USP3: variants seen among roughly 807,000 people sequenced by gnomAD.
USP3 encodes the protein ubiquitin specific peptidase 3.
In USP3, 20 loss-of-function variants were observed where a neutral mutation model predicts 72.3. The ratio of observed to expected loss-of-function variants is 0.28; its 90% CI spans 0.19 to 0.40. The LOEUF (loss-of-function observed/expected upper bound fraction) is 0.40. Ranked by LOEUF, USP3 falls within the 10% of genes least tolerant of loss-of-function variation. The pLI is 1.00. For synonymous variants in USP3, 222 were observed against 225.3 expected (o/e 0.99, Z 0.13); for missense variants, 479 against 633.9 (o/e 0.76, Z 2.62).
rs758418940 is a variant in USP3, at chr15:63,588,706, T to A, written c.1220T>A (p.Leu407Gln). Residue 407 changes from leucine to glutamine, a missense_variant, in exon 13 of 15, where the codon CTA becomes CAA. Coordinates refer to ENST00000380324, the MANE Select transcript of USP3 (RefSeq NM_006537.4). The surrounding 1 kb of genome is among the most constrained non-coding windows in gnomAD (Gnocchi z 4.6). ...GACCGCATCTCTGTCCTCCAGGTGC[T>A]ATGCTTACATTTGAAAAGATTTCAT... ...KFWIQKLPKV[L>Q]CLHLKRFHWT... 1 of 1,611,252 alleles carries A rather than the reference T, an allele frequency of 6.2e-7. No individual in the cohort carries two copies. Among genetic ancestry groups the A allele is most frequent in the Non-Finnish European group, 8.5e-7 (1 of 1,177,628 alleles).
chr15:63,547,753 GGAGGGAGGGAGAGAGAGAGAGA>G (rs1322464748), intron 3 of USP3, among the ~76,000 whole-genome samples: 14 of 40,268 alleles, frequency 3.5e-4, no homozygotes, highest in African/African-American at 1.2e-3. Context: ...AGGGAGGGAG[GGAGGGAGGGAGAGAGAGAGAGA>G]GAGAGAGAGA....
Position 63,574,725 on chromosome 15 carries a change from A to G in USP3, c.1096+322A>G, listed in dbSNP as rs2066835038. 6.6e-6 allele frequency among the ~76,000 whole-genome samples: 1 copy of G among 152,224 alleles called. No homozygotes were observed. Among genetic ancestry groups the G allele is most frequent in the Admixed American group, 6.5e-5 (1 of 15,288 alleles). On this transcript the variant is annotated intron_variant, in intron 11 of 14. Coordinates refer to ENST00000380324, the MANE Select transcript of USP3 (RefSeq NM_006537.4). This position sits in a 1 kb window ranked among gnomAD's most constrained non-coding sequence, Gnocchi z 4.6. ...TTCTGTGGTTATCCCACTAGCATCTATAGGAAGAAAGAATACTCAGCAGAG... is the reference window on the plus strand; with the variant it reads ...TTCTGTGGTTATCCCACTAGCATCTGTAGGAAGAAAGAATACTCAGCAGAG...
At chr15:63,564,303 T>C (rs2066653341) in intron 8 of USP3, among the ~76,000 whole-genome samples, 1 of 152,086 alleles carries the variant, frequency 6.6e-6, no homozygotes, top group South Asian at 2.1e-4. Flanking sequence ...GAGACAAAAC[T>C]GAGACAGAGA....
intron 7 of USP3, 67 bp from the exon 8 acceptor site, chr15:63,562,828 G>C: frequency 9.9e-7 from 1 of 1,007,990 alleles, no homozygotes; most frequent in Non-Finnish European, 1.5e-6. Flanking sequence ...ATTTTAGATG[G>C]GTGGACGCTG....
At chr15:63,523,742 T>G (rs149173815) in intron 1 of USP3, among the ~76,000 whole-genome samples, 15 of 152,296 alleles carry the variant, frequency 9.8e-5, no homozygotes, top group African/African-American at 3.6e-4. Flanking sequence ...GGGGATCAAG[T>G]CATGCTGGCT....
chr15:63,550,421 AATACTGATGTTG>A (rs1185335956), intron 3 of USP3, among the ~76,000 whole-genome samples: 1 of 152,202 alleles, frequency 6.6e-6, no homozygotes, highest in Non-Finnish European at 1.5e-5. Flanking sequence ...AAATCCAACA[AATACTGATGTTG>A]GAACACTGTC....
chr15:63,506,862 G>A (rs185961489), intron 1 of USP3, among the ~76,000 whole-genome samples: 87 of 152,248 alleles, frequency 5.7e-4, no homozygotes, highest in Admixed American at 1.2e-3. Flanking sequence ...AGCGAGTTTC[G>A]CAACTTTGTG....
At position 63,504,809 on chromosome 15, in the gene USP3, C is replaced by T; in HGVS notation, c.70C>T (p.Pro24Ser). The part of the protein sequence containing the change: ...PDSAKFPNGS[P>S]SSWCCSVCRS... ...CTCAGCCAAGTTCCCCAACGGCTCC[C>T]CGTCGTCCTGGTGCTGCAGCGGTGA... Residue 24 changes from proline to serine, a missense_variant, in exon 1 of 15, where the codon CCG becomes TCG. Coordinates refer to ENST00000380324, the MANE Select transcript of USP3 (RefSeq NM_006537.4). 6.2e-7 allele frequency: 1 copy of T among 1,610,262 alleles called. No individual in the cohort carries two copies. The highest frequency in any genetic ancestry group is 8.5e-7 in the Non-Finnish European group (1 of 1,178,644).
chr15:63,590,931 C>CTAT lies in USP3; in HGVS notation c.*107_*109dup. The CTAT allele has an allele frequency of 7.3e-7, 1 of 1,364,784 alleles. No homozygotes were observed. Among genetic ancestry groups the CTAT allele is most frequent in the Non-Finnish European group, 9.6e-7 (1 of 1,039,816 alleles). The allele number at this position is 1,364,784 out of a possible 1,614,324, so 84.5% of individuals were successfully genotyped here. A position where few individuals can be genotyped will look rare whatever the true frequency, so the allele number is the denominator to read the frequency against. ...ATTTCATTATGCACTTTTCAATTTC[C>CTAT]TATTTTGGATTTAGTTTTGTCAATG... On this transcript the variant is annotated 3_prime_UTR_variant, in exon 15 of 15. Transcript: ENST00000380324.
chr15:63,541,182 G>C (rs527326380), intron 3 of USP3, among the ~76,000 whole-genome samples: 7 of 151,992 alleles, frequency 4.6e-5, no homozygotes, highest in Non-Finnish European at 8.8e-5. Flanking sequence ...ATTCCTTCAG[G>C]GCAGGTAATG....
chr15:63,504,761 T>C lies in USP3; in HGVS notation c.22T>C (p.Ser8Pro). MECPHLSSSVCIAPDSAK... is the reference protein window; with the variant it reads MECPHLSPSVCIAPDSAK... ...GGCCATGGAGTGTCCACACCTGAGC[T>C]CCAGCGTCTGCATTGCTCCGGACTC... The change falls in exon 1 of 15, where the codon TCC becomes CCC. Residue 8 changes from serine (S) to proline (P), a missense_variant. Ser to Pro is a moderately conservative substitution (Grantham distance 74, BLOSUM62 -1). Coordinates refer to ENST00000380324, the MANE Select transcript of USP3 (RefSeq NM_006537.4). 1 of 1,611,318 alleles carries C rather than the reference T, an allele frequency of 6.2e-7. No homozygotes were observed.
rs2066458996 is a variant in USP3 at position 63,553,084 on chromosome 15, A to C, written c.285-631A>C. Among the ~76,000 whole-genome samples the C allele has an allele frequency of 6.6e-6, 1 of 152,222 alleles. No individual in the cohort carries two copies. Among genetic ancestry groups the C allele is most frequent in the South Asian group, 2.1e-4 (1 of 4,834 alleles). ...AGTATCGGTTTTTAAATATAGCTTA[A>C]ATATTTTTCTTCAAAGCACTTATCA... On this transcript the variant is annotated intron_variant, in intron 3 of 14. Transcript: ENST00000380324. The surrounding 1 kb of genome is among the most constrained non-coding windows in gnomAD (Gnocchi z 4.2).
intron 11 of USP3, among the ~76,000 whole-genome samples, chr15:63,585,273 G>C (rs2067036762): frequency 6.6e-6 from 1 of 152,040 alleles, no homozygotes; most frequent in African/African-American, 2.4e-5. Flanking sequence ...ATTTCTATTG[G>C]GATTTTGAGA....
chr15:63,533,551 A>C (rs1404737102), intron 2 of USP3, among the ~76,000 whole-genome samples: 1 of 152,210 alleles, frequency 6.6e-6, no homozygotes, highest in Non-Finnish European at 1.5e-5. Flanking sequence ...ATAGCTTAGC[A>C]GTAAGGAAAT....
At chr15:63,512,290 CTCTTCTTCTTCCTCCTCT>C (rs1201759759) in intron 1 of USP3, among the ~76,000 whole-genome samples, 1 of 150,560 alleles carries the variant, frequency 6.6e-6, no homozygotes, top group Non-Finnish European at 1.5e-5. Flanking sequence ...CCTCTTCTTC[CTCTTCTTCTTCCTCCTCT>C]TCTTCTTCTT....
In USP3 at chr15:63,574,747, A is replaced by G; in HGVS notation, c.1096+344A>G. ...TCTATAGGAAGAAAGAATACTCAGC[A>G]GAGTTTTATAAATTATAGTATTACG... On this transcript the variant is annotated intron_variant, in intron 11 of 14. Transcript: ENST00000380324. The surrounding 1 kb of genome is among the most constrained non-coding windows in gnomAD (Gnocchi z 4.6). Among the ~76,000 whole-genome samples, 1 of 152,252 alleles carries G rather than the reference A, an allele frequency of 6.6e-6. No individual in the cohort carries two copies. The highest frequency in any genetic ancestry group is 1.9e-4 in the East Asian group (1 of 5,204).
intron 1 of USP3, among the ~76,000 whole-genome samples, chr15:63,519,960 C>T (rs537210990): frequency 6.6e-6 from 1 of 152,110 alleles, no homozygotes; most frequent in South Asian, 2.1e-4. Flanking sequence ...GATTTGGGCA[C>T]GCGCCGTCAT....
intron 3 of USP3, among the ~76,000 whole-genome samples, chr15:63,547,888 G>GAGAGAGAGAGAGGAAT (rs1555446525): frequency 1.4e-5 from 1 of 73,236 alleles, no homozygotes. Context: ...GAGAGAGAGA[G>GAGAGAGAGAGAGGAAT]AGAGAGAGGC....
In USP3 at chr15:63,528,942, A is replaced by G; in HGVS notation, c.92-3705A>G. On this transcript the variant is annotated intron_variant, in intron 1 of 14. Coordinates refer to ENST00000380324, the MANE Select transcript of USP3 (RefSeq NM_006537.4). This position sits in a 1 kb window ranked among gnomAD's most constrained non-coding sequence, Gnocchi z 4.3. Reference sequence around the variant, plus strand: ...GATGAAGCATGTATAAACAGAGTGAATATTCCCCAAAGCAATGCCATTTAT... The same window carrying G: ...GATGAAGCATGTATAAACAGAGTGAGTATTCCCCAAAGCAATGCCATTTAT... 1 of 1,172,108 alleles carries G rather than the reference A, an allele frequency of 8.5e-7. No individual in the cohort carries two copies. The highest frequency in any genetic ancestry group is 1.3e-5 in the South Asian group (1 of 76,908). The allele number at this position is 1,172,108 out of a possible 1,614,324, so 72.6% of individuals were successfully genotyped here.
Sources: gnomAD v4.1 joint callset for allele counts (sites outside exome capture counted in the v4.1 genomes callset) on GRCh38, gnomAD v4.1.1 for gene constraint, Gnocchi (gnomAD v3.1) non-coding constraint, MANE v1.5 for transcripts, NCBI Gene and HGNC (gene_info 2026-07-23, HGNC 2026-07-21) for gene names.